Variants in VILL observed in about 807,000 individuals in gnomAD.
VILL encodes the protein villin-like protein.
VILL carries 102 observed loss-of-function variants against 106.3 expected under a neutral mutation model. The ratio of observed to expected loss-of-function variants is 0.96; its 90% CI spans 0.82 to 1.13. The LOEUF is 1.13. Among genes scored for constraint, VILL ranks in the 50% most tolerant of loss-of-function variants. The probability of loss-of-function intolerance (pLI) is 0.00; values close to 1 mark genes in which losing one functional copy is unlikely to be tolerated. For missense variants in VILL, 1,076 were observed against 1,116.6 expected (o/e 0.96, Z 0.52); for synonymous variants, 431 against 440.3 (o/e 0.98, Z 0.27).
chr3:37,995,747 A>G lies in VILL; in HGVS notation c.350A>G (p.Lys117Arg). 1 of 1,613,518 alleles carries G rather than the reference A, an allele frequency of 6.2e-7. No homozygotes were observed. Among genetic ancestry groups the G allele is most frequent in the Non-Finnish European group, 8.5e-7 (1 of 1,179,560 alleles). Residue 117 changes from lysine to arginine, a missense_variant, in exon 5 of 20, where the codon AAG becomes AGG. Physicochemically the swap from Lys to Arg is conservative, Grantham distance 26. Transcript: ENST00000383759. ...TGCTATTCCCACCTCAGCTACAGGA[A>G]GGGAGGCCTAGCATCTGACCTCAAG... ...SYFRPGIIYRKGGLASDLKHV... is the reference protein window; with the variant it reads ...SYFRPGIIYRRGGLASDLKHV...
chr3:37,993,982 T>C lies in VILL; in HGVS notation c.135+10T>C, dbSNP rs751348973. The C allele has an allele frequency of 8.7e-6, 14 of 1,613,958 alleles. No individual in the cohort carries two copies. Among genetic ancestry groups the C allele is most frequent in the Non-Finnish European group, 8.5e-7 (1 of 1,179,986 alleles). On this transcript the variant is annotated intron_variant, in intron 3 of 19. Coordinates refer to ENST00000383759, the MANE Select transcript of VILL (RefSeq NM_015873.4). ...CTATGTCATCCTCCACGTGAGTCGCTTGGGGAAGTCTGCCTGAGAGGGGTG... is the reference window on the plus strand; with the variant it reads ...CTATGTCATCCTCCACGTGAGTCGCCTGGGGAAGTCTGCCTGAGAGGGGTG...
rs1699839341 is a variant in VILL, at chr3:38,002,566, G to A, written c.1650G>A (p.Trp550Ter). The change falls in exon 14 of 20, where the codon TGG becomes TGA. Residue 550 changes from tryptophan (W) to a stop codon, truncating the protein, a stop_gained. Transcript: ENST00000383759. LOFTEE classifies it high-confidence loss of function. ...LLVTASVCYL[W>*]FGKGCNGDQR... ...TCACAGCCAGCGTCTGCTACCTCTG[G>A]TTTGGGAAGGTACCCACAGCACTGA... The A allele has an allele frequency of 6.2e-7, 1 of 1,613,180 alleles. No individual in the cohort carries two copies. Among genetic ancestry groups the A allele is most frequent in the South Asian group, 1.1e-5 (1 of 91,000 alleles).
Position 38,001,580 on chromosome 3 carries a change from T to A in VILL, c.1307T>A (p.Leu436Gln). ...YQRLGRVQYI[L>Q]YLWQGHQATA... ...AGGCTGGGCCGTGTCCAGTACATCC[T>A]GTACCTATGGCAGGTGTGCCAGCCT... Residue 436 changes from leucine to glutamine, a missense_variant, in exon 12 of 20, where the codon CTG (leucine) becomes CAG (glutamine). Coordinates refer to ENST00000383759, the MANE Select transcript of VILL (RefSeq NM_015873.4). 6.2e-7 allele frequency: 1 copy of A among 1,614,188 alleles called. No homozygotes were observed. The highest frequency in any genetic ancestry group is 8.5e-7 in the Non-Finnish European group (1 of 1,180,022).
rs768969612 is a variant in VILL, at chr3:37,994,377, G to A, written c.252G>A (p.Gln84=). The A allele has an allele frequency of 1.9e-6, 3 of 1,612,392 alleles. No homozygotes were observed. The South Asian group carries it at 3.3e-5, about 18-fold the overall frequency. ...GAAEAFQQRL[Q]DELGGQTVLH... is the part of the protein sequence containing the mutation. The stretch of plus-strand genomic sequence containing the variant: ...CGGAGGCCTTCCAGCAGCGCCTACA[G>A]GACGAGCTGGGGGGCCAGACCGTGC... Residue 84 remains glutamine, a synonymous_variant, in exon 4 of 20, where the codon CAG becomes CAA. Transcript: ENST00000383759.
At chr3:38,005,089 T>C (rs1434169849) in intron 16 of VILL, among the ~76,000 whole-genome samples, 1 of 152,124 alleles carries the variant, frequency 6.6e-6, no homozygotes, top group Non-Finnish European at 1.5e-5. Flanking sequence ...TGTGTGGCGA[T>C]GGATGACTGT....
intron 11 of VILL, among the ~76,000 whole-genome samples, chr3:38,000,396 TGAG>T (rs894342757): frequency 5.2e-5 from 7 of 134,574 alleles, no homozygotes; most frequent in Non-Finnish European, 9.6e-5. Context: ...GGACAGGGGA[TGAG>T]GAGGAGGCAG....
Position 37,999,374 on chromosome 3 carries a change from C to T in VILL, c.1117C>T (p.Leu373=), listed in dbSNP as rs764126170. Residue 373 remains leucine, a synonymous_variant, in exon 11 of 20, where the codon CTG becomes TTG. Coordinates refer to ENST00000383759, the MANE Select transcript of VILL (RefSeq NM_015873.4). ...SIHVKLDVGK[L]HTQPKLAAQL... The stretch of plus-strand genomic sequence containing the variant: ...TCATGTAAAGCTGGACGTGGGCAAG[C>T]TGCACACCCAGCCTAAGTTAGCGGC... The T allele has an allele frequency of 5.3e-6, 8 of 1,511,382 alleles. No homozygotes were observed. The Admixed American group carries it at 1.6e-4, about 31-fold the overall frequency. 93.6% of individuals were successfully genotyped at this position (1,511,382 alleles called of 1,614,324 possible).
At chr3:37,992,956 G>A (rs1699631249) in intron 1 of VILL, among the ~76,000 whole-genome samples, 1 of 152,238 alleles carries the variant, frequency 6.6e-6, no homozygotes, top group Non-Finnish European at 1.5e-5. Context: ...AGTGGGAGTG[G>A]AGGGGGAGGA....
In VILL at chr3:38,006,495, C is replaced by T. The variant is rs141756692; in HGVS notation, c.2252C>T (p.Ala751Val). ...TCCAGATGGCCGGGCAATGGCAGGG[C>T]AGGTGCCGTGGCCCTGCAGGCCCTC... ...RLSRWPGNGR[A>V]GAVALQALKG... is the part of the protein sequence containing the mutation. Residue 751 changes from alanine to valine, a missense_variant, in exon 19 of 20, where the codon GCA becomes GTA. Coordinates refer to ENST00000383759, the MANE Select transcript of VILL (RefSeq NM_015873.4). The T allele has an allele frequency of 1.2e-6, 2 of 1,609,166 alleles. No individual in the cohort carries two copies. The highest frequency in any genetic ancestry group is 1.3e-5 in the African/African-American group (1 of 74,978).
intron 4 of VILL, among the ~76,000 whole-genome samples, chr3:37,995,535 G>A (rs896878033): frequency 2.0e-5 from 3 of 152,252 alleles, no homozygotes; most frequent in South Asian, 2.1e-4. Context: ...GCATGGAAGT[G>A]CACTACACAT....
Position 37,997,420 on chromosome 3 carries a change from G to A in VILL, c.562-63G>A, listed in dbSNP as rs1044424540. Reference sequence around the variant, plus strand: ...GCCTCTGGGAGCTGAGCAGTGACAGGAGAAGTCTCTGCTGTGAGAGGGCAC... The same window carrying A: ...GCCTCTGGGAGCTGAGCAGTGACAGAAGAAGTCTCTGCTGTGAGAGGGCAC... On this transcript the variant is annotated intron_variant, in intron 6 of 19. Coordinates refer to ENST00000383759, the MANE Select transcript of VILL (RefSeq NM_015873.4). This position sits in a 1 kb window ranked among gnomAD's most constrained non-coding sequence, Gnocchi z 4.7. 2.1e-5 allele frequency: 33 copies of A among 1,541,430 alleles called. No individual in the cohort carries two copies. The highest frequency in any genetic ancestry group is 2.9e-5 in the Non-Finnish European group (33 of 1,124,140).
intron 11 of VILL, among the ~76,000 whole-genome samples, chr3:38,000,389 CAG>C (rs759676321): frequency 1.0e-4 from 15 of 148,746 alleles, no homozygotes; most frequent in East Asian, 5.9e-4. Context: ...CTGGGAAGGA[CAG>C]GGGATGAGGA....
chr3:37,995,774 A>T lies in VILL; in HGVS notation c.377A>T (p.His126Leu), dbSNP rs139825675. ...GGAGGCCTAGCATCTGACCTCAAGC[A>T]TGTGGAGACCAACTTGTTCAACATC... is the stretch of plus-strand genomic sequence containing the variant. ...RKGGLASDLKHVETNLFNIQR... is the reference protein window; with the variant it reads ...RKGGLASDLKLVETNLFNIQR... Residue 126 changes from histidine to leucine, a missense_variant, in exon 5 of 20, where the codon CAT becomes CTT. Coordinates refer to ENST00000383759, the MANE Select transcript of VILL (RefSeq NM_015873.4). 5.2e-4 allele frequency: 836 copies of T among 1,614,044 alleles called. 1 individual carries two copies. Among genetic ancestry groups the T allele is most frequent in the Middle Eastern group, 1.2e-3 (7 of 6,062 alleles).
In VILL at chr3:38,006,841, C is replaced by T. The variant is rs538037144; in HGVS notation, c.2458-101C>T. ...AGCTGGGGTGGTGGGCAAACAGATG[C>T]GGGAGTCCCAAGCCCTGGATGACTG... On this transcript the variant is annotated intron_variant, in intron 19 of 19. Coordinates refer to ENST00000383759, the MANE Select transcript of VILL (RefSeq NM_015873.4). 29 of 1,507,512 alleles carry T rather than the reference C, an allele frequency of 1.9e-5. No homozygotes were observed. The Admixed American group carries it at 2.1e-4, about 11-fold the overall frequency. 93.4% of individuals were successfully genotyped at this position (1,507,512 alleles called of 1,614,324 possible).
rs2125535034 is a variant in VILL at position 38,000,511 on chromosome 3, CAGAG to C, written c.1183-942_1183-939del. Among the ~76,000 whole-genome samples the C allele has an allele frequency of 2.6e-5, 4 of 151,996 alleles. No homozygotes were observed. In the South Asian group the frequency reaches 8.3e-4, roughly 32 times the overall value. On this transcript the variant is annotated intron_variant, in intron 11 of 19. Coordinates refer to ENST00000383759, the MANE Select transcript of VILL (RefSeq NM_015873.4). ...GATAGATGGGATACACAGAGAGAGA[CAGAG>C]AGCCAGACAGTGGGAGAGGGAGACA... is the stretch of plus-strand genomic sequence containing the variant.
Position 38,006,560 on chromosome 3 carries a change from A to G in VILL, c.2317A>G (p.Ser773Gly). 2 of 1,614,154 alleles carry G rather than the reference A, an allele frequency of 1.2e-6. No individual in the cohort carries two copies. Among genetic ancestry groups the G allele is most frequent in the Non-Finnish European group, 1.7e-6 (2 of 1,180,024 alleles). Residue 773 changes from serine (S) to glycine (G), a missense_variant, in exon 19 of 20, where the codon AGC (serine) becomes GGC (glycine). Ser to Gly is a moderately conservative substitution (Grantham distance 56). Transcript: ENST00000383759. ...CAGCTCAGAGAATGATCTGGTGCGA[A>G]GCCCCAAGTCGGCTGGCAGCAGAAC... ...QDSSENDLVR[S>G]PKSAGSRTSS...
intron 5 of VILL, 114 bp from the exon 6 acceptor site, chr3:37,996,963 C>A: frequency 1.2e-6 from 1 of 847,230 alleles, no homozygotes; most frequent in Non-Finnish European, 2.0e-6. Context: ...TCACACATGC[C>A]TACGTACACC....
chr3:37,988,992 A>G (rs1480913184), upstream of VILL, among the ~76,000 whole-genome samples: 1 of 152,226 alleles, frequency 6.6e-6, no homozygotes, highest in African/African-American at 2.4e-5. Context: ...AGGAAAAAAG[A>G]TCCCTCTGGC....
At position 37,993,585 on chromosome 3, in the gene VILL, A is replaced by G; in HGVS notation, c.-86-2A>G. 1 of 1,232,130 alleles carries G rather than the reference A, an allele frequency of 8.1e-7. No homozygotes were observed. Among genetic ancestry groups the G allele is most frequent in the Admixed American group, 1.9e-5 (1 of 51,896 alleles). The allele number at this position is 1,232,130 out of a possible 1,614,324, so 76.3% of individuals were successfully genotyped here. On this transcript the variant is annotated splice_acceptor_variant, in intron 1 of 19. Coordinates refer to ENST00000383759, the MANE Select transcript of VILL (RefSeq NM_015873.4). LOFTEE classifies it low-confidence loss of function (5UTR_SPLICE). ...TAATAAAAGTCATGTTCTATAATGA[A>G]GTTGTACAGGTAGCCAGGTGTCGGT... is the stretch of plus-strand genomic sequence containing the variant.
Sources: gnomAD v4.1 joint callset for allele counts (sites outside exome capture counted in the v4.1 genomes callset) on GRCh38, gnomAD v4.1.1 for gene constraint, Gnocchi (gnomAD v3.1) non-coding constraint, MANE v1.5 for transcripts, NCBI Gene and HGNC (gene_info 2026-07-23, HGNC 2026-07-21) for gene names.